Variants in BMPR1B observed in about 807,000 individuals in gnomAD.
BMPR1B encodes bone morphogenetic protein receptor type 1B.
In BMPR1B, 12 loss-of-function variants were observed where a neutral mutation model predicts 59.1. The observed-to-expected ratio is 0.20, with a 90% CI of 0.13 to 0.33. BMPR1B has a LOEUF of 0.33. BMPR1B is among the 10% of genes least tolerant of loss of function. The pLI is 1.00. For missense variants in BMPR1B, 550 were observed against 610.9 expected (o/e 0.90, Z 1.05); for synonymous variants, 237 against 207.3 (o/e 1.14, Z -1.23).
At chr4:94,960,333 GA>G (rs1730305880) in intron 2 of BMPR1B, among the ~76,000 whole-genome samples, 1 of 152,058 alleles carries the variant, frequency 6.6e-6, no homozygotes, top group South Asian at 2.1e-4. Flanking sequence ...CCCTTTAAGA[GA>G]TATTTATCTT....
chr4:95,053,588 G>C (rs1395417034), intron 3 of BMPR1B, among the ~76,000 whole-genome samples: 2 of 152,024 alleles, frequency 1.3e-5, no homozygotes, highest in Non-Finnish European at 2.9e-5. Flanking sequence ...CTGAAAGTTT[G>C]CTGTTGTTAG....
chr4:94,903,193 C>T (rs1055777212), intron 2 of BMPR1B, among the ~76,000 whole-genome samples: 1 of 151,958 alleles, frequency 6.6e-6, no homozygotes, highest in Admixed American at 6.6e-5. Context: ...GAACTTAGGG[C>T]AAAGTGTATT....
At chr4:95,063,921 T>C (rs1347699425) in intron 3 of BMPR1B, among the ~76,000 whole-genome samples, 1 of 152,108 alleles carries the variant, frequency 6.6e-6, no homozygotes, top group Non-Finnish European at 1.5e-5. Flanking sequence ...AATTGCAAGT[T>C]AAAATAATAT....
At chr4:95,056,417 T>C (rs1354777616) in intron 3 of BMPR1B, among the ~76,000 whole-genome samples, 1 of 152,198 alleles carries the variant, frequency 6.6e-6, no homozygotes, top group Non-Finnish European at 1.5e-5. Flanking sequence ...TAGTTAACTA[T>C]ATAAAATCAT....
At chr4:94,779,716 G>A (rs1252499715) in intron 1 of BMPR1B, among the ~76,000 whole-genome samples, 1 of 151,894 alleles carries the variant, frequency 6.6e-6, no homozygotes, top group African/African-American at 2.4e-5. Context: ...CCTGTAGTCC[G>A]AGCTACTCAG....
At chr4:94,937,721 C>CACACACACACACACACACAG (rs1729371461) in intron 2 of BMPR1B, among the ~76,000 whole-genome samples, 6 of 149,814 alleles carry the variant, frequency 4.0e-5, no homozygotes, top group African/African-American at 1.5e-4. Context: ...CACACACAGA[C>CACACACACACACACACACAG]ACACACACAC....
At chr4:94,874,947 C>T (rs1177142288) in intron 1 of BMPR1B, among the ~76,000 whole-genome samples, 1 of 152,078 alleles carries the variant, frequency 6.6e-6, no homozygotes, top group Admixed American at 6.5e-5. Context: ...GAGCCGAGAT[C>T]GCGCCACTGT....
Position 95,156,107 on chromosome 4 carries a change from A to T in BMPR1B, c.*1434A>T, listed in dbSNP as rs1346130605. Reference sequence around the variant, plus strand: ...ACTTATACAAAATATCTCTTCACCTACTTAGTTCTACAGGGTTTTAACTTT... The same window carrying T: ...ACTTATACAAAATATCTCTTCACCTTCTTAGTTCTACAGGGTTTTAACTTT... On this transcript the variant is annotated 3_prime_UTR_variant, in exon 13 of 13. Coordinates refer to ENST00000515059, the MANE Select transcript of BMPR1B (RefSeq NM_001203.3). 6.6e-6 allele frequency: 1 copy of T among 152,150 alleles called. No individual in the cohort carries two copies. Among genetic ancestry groups the T allele is most frequent in the Non-Finnish European group, 1.5e-5 (1 of 68,022 alleles). The allele number at this position is 152,150 out of a possible 1,614,324, so 9.4% of individuals were successfully genotyped here.
intron 2 of BMPR1B, among the ~76,000 whole-genome samples, chr4:94,969,681 A>AATAC (rs1414095148): frequency 9.2e-5 from 14 of 152,160 alleles, no homozygotes; most frequent in African/African-American, 3.4e-4. Flanking sequence ...ATTTATCACT[A>AATAC]ATACATACAT....
intron 2 of BMPR1B, among the ~76,000 whole-genome samples, chr4:94,886,973 T>G (rs1727192573): frequency 6.6e-6 from 1 of 152,128 alleles, no homozygotes; most frequent in Non-Finnish European, 1.5e-5. Flanking sequence ...ATGTGCTATT[T>G]AGAGGGTCAA....
chr4:94,787,284 A>G (rs1038354049), intron 1 of BMPR1B, among the ~76,000 whole-genome samples: 2 of 152,108 alleles, frequency 1.3e-5, no homozygotes, highest in African/African-American at 4.8e-5. Context: ...CAGTCCATTG[A>G]CTCAGGGCCT....
At chr4:94,925,198 CCT>C (rs1273426872) in intron 2 of BMPR1B, among the ~76,000 whole-genome samples, 1 of 151,996 alleles carries the variant, frequency 6.6e-6, no homozygotes, top group East Asian at 1.9e-4. Context: ...AATATGGATT[CCT>C]CCCATACCAG....
chr4:95,073,644 A>G (rs1179760368), intron 3 of BMPR1B, among the ~76,000 whole-genome samples: 2 of 151,692 alleles, frequency 1.3e-5, no homozygotes, highest in Non-Finnish European at 2.9e-5. Flanking sequence ...CTTCTTAAGG[A>G]AAAAAAAATA....
intron 1 of BMPR1B, among the ~76,000 whole-genome samples, chr4:94,802,564 A>C (rs892652881): frequency 6.6e-6 from 1 of 152,214 alleles, no homozygotes; most frequent in Admixed American, 6.5e-5. Context: ...AGTACATTGC[A>C]TGGAGGACAT....
chr4:95,011,659 T>C (rs1000325231), intron 3 of BMPR1B, among the ~76,000 whole-genome samples: 1 of 152,196 alleles, frequency 6.6e-6, no homozygotes, highest in Non-Finnish European at 1.5e-5. Flanking sequence ...ATTCAATGGC[T>C]ACCTCATGAT....
rs151134373 is a variant in BMPR1B at position 94,953,293 on chromosome 4, T to G, written c.-112-42747T>G. Among the ~76,000 whole-genome samples, 30 of 152,350 alleles carry G rather than the reference T, an allele frequency of 2.0e-4. No homozygotes were observed. The East Asian group carries it at 5.8e-3, about 29-fold the overall frequency. ...TTAATATTGTTATGTGTGATTTTGA[T>G]CCTGTCATTATGAGGCTAACTGGTT... is the stretch of plus-strand genomic sequence containing the variant. On this transcript the variant is annotated intron_variant, in intron 2 of 12. Coordinates refer to ENST00000515059, the MANE Select transcript of BMPR1B (RefSeq NM_001203.3).
At chr4:94,964,481 A>G (rs1189672169) in intron 2 of BMPR1B, among the ~76,000 whole-genome samples, 1 of 152,094 alleles carries the variant, frequency 6.6e-6, no homozygotes, top group African/African-American at 2.4e-5. Flanking sequence ...TTTTTCTTCT[A>G]TGGCTGTGTC....
chr4:95,051,315 C>T (rs572763337), intron 3 of BMPR1B, among the ~76,000 whole-genome samples: 3 of 152,202 alleles, frequency 2.0e-5, no homozygotes, highest in African/African-American at 7.2e-5. Context: ...ATGACAGCAG[C>T]GTTTTAAATG....
At chr4:94,844,572 A>G (rs1027915222) in intron 1 of BMPR1B, among the ~76,000 whole-genome samples, 9 of 152,072 alleles carry the variant, frequency 5.9e-5, no homozygotes, top group African/African-American at 2.2e-4. Flanking sequence ...TGCCAGAGGG[A>G]TGGGTACTAT....
Sources: allele counts gnomAD v4.1 joint callset (sites outside exome capture counted in the v4.1 genomes callset), GRCh38; gene constraint gnomAD v4.1.1; transcripts MANE v1.5; gene names NCBI Gene and HGNC (gene_info 2026-07-23, HGNC 2026-07-21).